IL23R: variants seen among roughly 807,000 people sequenced by gnomAD.
The protein encoded by IL23R is interleukin 23 receptor, also known as interleukin-23 receptor.
In IL23R, 34 loss-of-function variants were observed where a neutral mutation model predicts 56.9. The observed-to-expected ratio is 0.60, with a 90% confidence interval of 0.45 to 0.80. The LOEUF is 0.80. IL23R is among the 30% of genes least tolerant of loss of function. The pLI, the probability that IL23R is intolerant of heterozygous loss-of-function variation, is 0.00. For synonymous variants in IL23R, 230 were observed against 249.2 expected, an observed-to-expected ratio of 0.92 and a Z score of 0.73; for missense variants, 635 against 730.0, an observed-to-expected ratio of 0.87 and a Z score of 1.50.
At chr1:67,204,230 A>AT (rs1648849703) in intron 5 of IL23R, among the ~76,000 whole-genome samples, 1 of 151,996 alleles carries the variant, frequency 6.6e-6, no homozygotes, top group South Asian at 2.1e-4. Context: ...CGCCCCGCTA[A>AT]TTTTTTGTAT....
At chr1:67,186,530 C>G (rs1339574461) in intron 4 of IL23R, among the ~76,000 whole-genome samples, 4 of 152,082 alleles carry the variant, frequency 2.6e-5, no homozygotes, top group Non-Finnish European at 5.9e-5. Context: ...CCACTATTTG[C>G]TTTCCGTTTC....
chr1:67,226,799 C>G (rs1650648940), intron 7 of IL23R, among the ~76,000 whole-genome samples: 1 of 152,148 alleles, frequency 6.6e-6, no homozygotes, highest in South Asian at 2.1e-4. Context: ...GTTTGGGTGA[C>G]AGAAAAGGGT....
At chr1:67,153,531 G>T (rs1363253493) in intron 1 of IL23R, among the ~76,000 whole-genome samples, 3 of 151,978 alleles carry the variant, frequency 2.0e-5, no homozygotes, top group Non-Finnish European at 4.4e-5. Context: ...TCTTTTAATT[G>T]TGATGTTAAG....
At chr1:67,232,892 A>G (rs1448735605) in intron 7 of IL23R, among the ~76,000 whole-genome samples, 1 of 151,778 alleles carries the variant, frequency 6.6e-6, no homozygotes, top group Non-Finnish European at 1.5e-5. Context: ...TTCTCATGAG[A>G]TATGATGGTT....
intron 9 of IL23R, among the ~76,000 whole-genome samples, chr1:67,250,287 C>G (rs143521087): frequency 5.0e-4 from 76 of 152,322 alleles, no homozygotes; most frequent in African/African-American, 1.8e-3. Context: ...CCATCTATGA[C>G]ATGCTTAGAC....
At chr1:67,189,612 C>G (rs1647594190) in intron 4 of IL23R, among the ~76,000 whole-genome samples, 1 of 152,056 alleles carries the variant, frequency 6.6e-6, no homozygotes, top group Non-Finnish European at 1.5e-5. Context: ...ACCTATTTAT[C>G]TAATGATTAG....
chr1:67,178,244 C>T (rs947782747), intron 3 of IL23R, among the ~76,000 whole-genome samples: 3 of 152,146 alleles, frequency 2.0e-5, no homozygotes, highest in Non-Finnish European at 4.4e-5. Flanking sequence ...TTCTTCCTCC[C>T]CATGAGCATG....
chr1:67,188,157 A>C (rs1378100774), intron 4 of IL23R, among the ~76,000 whole-genome samples: 1 of 152,266 alleles, frequency 6.6e-6, no homozygotes, highest in East Asian at 1.9e-4. Flanking sequence ...AACAGATGGC[A>C]TGATAATTCA....
Position 67,258,698 on chromosome 1 carries a change from A to C in IL23R, c.1460A>C (p.Gln487Pro), listed in dbSNP as rs1164242345. 6.2e-7 allele frequency: 1 copy of C among 1,613,802 alleles called. No homozygotes were observed. The highest frequency in any genetic ancestry group is 2.2e-5 in the East Asian group (1 of 44,868). Residue 487 changes from glutamine to proline, a missense_variant, in exon 11 of 11, where the codon CAA (glutamine) becomes CCA (proline). By Grantham distance (76) the Gln-to-Pro change is moderately conservative. Transcript: ENST00000347310. ...GATCTCAACACTGGATATAAACCCC[A>C]AATTTCAAATTTTCTGCCTGAGGGA... ...IPDLNTGYKP[Q>P]ISNFLPEGSH...
intron 3 of IL23R, among the ~76,000 whole-genome samples, chr1:67,180,860 A>G (rs1466052975): frequency 1.3e-5 from 2 of 152,050 alleles, no homozygotes; most frequent in African/African-American, 2.4e-5. Context: ...AAAGTATTTT[A>G]TTTCTCCTTC....
intron 1 of IL23R, among the ~76,000 whole-genome samples, chr1:67,157,091 C>A (rs572523456): frequency 8.5e-5 from 13 of 152,260 alleles, no homozygotes; most frequent in Non-Finnish European, 1.9e-4. Flanking sequence ...AAGCGACGCC[C>A]CACCCTGCTT....
chr1:67,241,982 T>C (rs1651885156), intron 9 of IL23R, among the ~76,000 whole-genome samples: 1 of 152,242 alleles, frequency 6.6e-6, no homozygotes, highest in Non-Finnish European at 1.5e-5. Context: ...CCAATACTTT[T>C]CGGTTTGGCC....
Position 67,151,568 on chromosome 1 carries a change from T to A in IL23R, c.-634+12407T>A, listed in dbSNP as rs374813129. Among the ~76,000 whole-genome samples, 44 of 152,322 alleles carry A rather than the reference T, an allele frequency of 2.9e-4. 2 individuals carry two copies. The East Asian group carries it at 4.8e-3, about 17-fold the overall frequency. On this transcript the variant is annotated intron_variant, in intron 1 of 10. Coordinates refer to the IL23R transcript ENST00000637002. The stretch of plus-strand genomic sequence containing the variant: ...GTATTGCCTAGGTTTTCTTCTAGGG[T>A]TTTTATGGTTTCAGGTTTTATATTT...
At chr1:67,238,429 C>A (rs1379636894) in intron 8 of IL23R, among the ~76,000 whole-genome samples, 1 of 151,914 alleles carries the variant, frequency 6.6e-6, no homozygotes, top group African/African-American at 2.4e-5. Flanking sequence ...CAATTGCAAG[C>A]CAAGTGCTTA....
chr1:67,229,594 C>T (rs150386541), intron 7 of IL23R, among the ~76,000 whole-genome samples: 3 of 152,172 alleles, frequency 2.0e-5, no homozygotes, highest in Non-Finnish European at 4.4e-5. Context: ...ACCTTCTAAT[C>T]GTGCCTTGAT....
intron 9 of IL23R, among the ~76,000 whole-genome samples, chr1:67,249,268 G>A (rs947896125): frequency 4.5e-4 from 68 of 152,144 alleles, no homozygotes; most frequent in African/African-American, 1.3e-3. Flanking sequence ...GATTCTTACC[G>A]AGTCTAAATG....
At chr1:67,190,049 A>G (rs960508610) in intron 4 of IL23R, among the ~76,000 whole-genome samples, 3 of 152,214 alleles carry the variant, frequency 2.0e-5, no homozygotes, top group African/African-American at 7.2e-5. Flanking sequence ...ATTATGTTTA[A>G]AGGAGCTCTT....
At chr1:67,202,226 G>C (rs1648691057) in intron 5 of IL23R, among the ~76,000 whole-genome samples, 1 of 140,316 alleles carries the variant, frequency 7.1e-6, no homozygotes, top group African/African-American at 3.3e-5. Context: ...TTTTGAGGCA[G>C]AGTCTCACTC....
chr1:67,142,812 C>G (rs1171582378), intron 1 of IL23R, among the ~76,000 whole-genome samples: 1 of 152,180 alleles, frequency 6.6e-6, no homozygotes, highest in Non-Finnish European at 1.5e-5. Context: ...AGGTGATCCA[C>G]CCACCTTGGC....
Sources: gnomAD v4.1 joint callset for allele counts (sites outside exome capture counted in the v4.1 genomes callset) on GRCh38, gnomAD v4.1.1 for gene constraint, MANE v1.5 for transcripts, NCBI Gene and HGNC (gene_info 2026-07-23, HGNC 2026-07-21) for gene names.